The following POU1F1 variants were observed in gnomAD, a reference collection of about 807,000 sequenced individuals.
POU1F1 encodes pituitary-specific positive transcription factor 1.
POU1F1 carries 23 observed loss-of-function variants against 32.3 expected under a neutral mutation model. The ratio of observed to expected loss-of-function variants is 0.71; its 90% confidence interval spans 0.51 to 1.01. The LOEUF is 1.01. Ranked by LOEUF, POU1F1 falls within the 50% of genes least tolerant of loss-of-function variation. The probability of loss-of-function intolerance (pLI) is 0.00; values close to 1 mark genes in which losing one functional copy is unlikely to be tolerated. For missense variants in POU1F1, 323 were observed against 341.6 expected (o/e 0.95, Z 0.43); for synonymous variants, 120 against 115.6 (o/e 1.04, Z -0.25).
At position 87,260,120 on chromosome 3, in the gene POU1F1, C is replaced by T. The variant is rs750994575; in HGVS notation, c.666-16G>A. On this transcript the variant is annotated splice_polypyrimidine_tract_variant and intron_variant, in intron 5 of 5. Transcript: ENST00000350375. The stretch of plus-strand genomic sequence containing the variant: ...AGCAGCAATGCTGGCGGGGGGTGGA[C>T]ATAGGGGGTGAAATTTTGTTGTTTT... 1.2e-6 allele frequency: 2 copies of T among 1,605,726 alleles called. No individual in the cohort carries two copies. The highest frequency in any genetic ancestry group is 1.7e-6 in the Non-Finnish European group (2 of 1,174,782).
chr3:87,276,408 C>T lies in POU1F1; in HGVS notation c.55G>A (p.Ala19Thr). The T allele has an allele frequency of 1.2e-6, 2 of 1,613,838 alleles. No individual in the cohort carries two copies. The highest frequency in any genetic ancestry group is 1.1e-5 in the South Asian group (1 of 91,078). Residue 19 changes from alanine (A) to threonine (T), a missense_variant, in exon 1 of 6, where the codon GCC becomes ACC. Transcript: ENST00000350375. ...ATTATCAGAGGCAGAGTTGCAGAGG[C>T]GTCAGAATTCAGAGGTATAAAGGTA... ...ADTFIPLNSDASATLPLIMHH... is the reference protein window; with the variant it reads ...ADTFIPLNSDTSATLPLIMHH...
At chr3:87,264,555 A>T in intron 2 of POU1F1, 43 bp from the exon 3 acceptor site, 3 of 1,442,088 alleles carry the variant, frequency 2.1e-6, no homozygotes, top group Non-Finnish European at 2.0e-6. Context: ...ACCATTTGTC[A>T]TTCTCCTTAT....
chr3:87,260,042 T>C lies in POU1F1; in HGVS notation c.728A>G (p.Glu243Gly). The change falls in exon 6 of 6, where the codon GAG (glutamate) becomes GGG (glycine). Residue 243 changes from glutamate (E) to glycine (G), a missense_variant. By Grantham distance (98) the Glu-to-Gly change is moderately conservative. Coordinates refer to ENST00000350375, the MANE Select transcript of POU1F1 (RefSeq NM_000306.4). Reference protein sequence around the residue: ...FGEQNKPSSQEIMRMAEELNL... With the variant: ...FGEQNKPSSQGIMRMAEELNL... The stretch of plus-strand genomic sequence containing the variant: ...CAGTTCTTCAGCCATCCTCATGATC[T>C]CTTGAGAAGAAGGTTTATTCTGTTC... 1 of 1,614,090 alleles carries C rather than the reference T, an allele frequency of 6.2e-7. No individual in the cohort carries two copies. Among genetic ancestry groups the C allele is most frequent in the Non-Finnish European group, 8.5e-7 (1 of 1,180,008 alleles).
chr3:87,261,280 T>A lies in POU1F1; in HGVS notation c.658A>T (p.Thr220Ser), dbSNP rs1398669915. ...TTTTAATATAAAGAATACCTTATAG[T>A]TGTTCTTCGTTTTCTTTTCCTTTCA... ...ANERKRKRRT[T>S]ISIAAKDALE... is the part of the protein sequence containing the mutation. The change falls in exon 5 of 6, where the codon ACT becomes TCT. Residue 220 changes from threonine to serine, a missense_variant. Transcript: ENST00000350375. 6.3e-7 allele frequency: 1 copy of A among 1,577,870 alleles called. No homozygotes were observed. Among genetic ancestry groups the A allele is most frequent in the South Asian group, 1.1e-5 (1 of 88,440 alleles).
intron 2 of POU1F1, among the ~76,000 whole-genome samples, chr3:87,265,665 A>T (rs1706606177): frequency 6.6e-6 from 1 of 152,088 alleles, no homozygotes; most frequent in African/African-American, 2.4e-5. Context: ...AAATAACAAC[A>T]CAAGAATAAA....
rs201406891 is a variant in POU1F1 at position 87,261,338 on chromosome 3, A to C, written c.605-5T>G. On this transcript the variant is annotated splice_region_variant and splice_polypyrimidine_tract_variant and intron_variant, in intron 4 of 5. Transcript: ENST00000350375. ...CCACTTTTTCATTGTACAAAGCTAT[A>C]ATGTGGAAAAGAGAGATAATTACAA... 6.1e-4 allele frequency: 962 copies of C among 1,585,400 alleles called. 5 individuals carry two copies. The highest frequency in any genetic ancestry group is 1.5e-3 in the Admixed American group (88 of 59,010).
At chr3:87,273,312 A>T (rs1706760777) in intron 2 of POU1F1, 35 bp downstream of exon 2, 1 of 1,588,986 alleles carries the variant, frequency 6.3e-7, no homozygotes, top group African/African-American at 1.3e-5. Context: ...AAGTGTCCCC[A>T]AATTCAATAA....
chr3:87,260,868 TTTTTTTTATTTATTTATTTA>T (rs1182749623), intron 5 of POU1F1, among the ~76,000 whole-genome samples: 5,664 of 140,102 alleles, frequency 0.04, 215 homozygotes, highest in Non-Finnish European at 0.047. Context: ...TATTATTATT[TTTTTTTTATTTATTTATTTA>T]TTTATTTATT....
In POU1F1 at chr3:87,264,270, C is replaced by T. The variant is rs1002673353; in HGVS notation, c.439+18G>A. ...GCAAACCAAGTTCTTTTTCCTGTTG[C>T]CTTTAACAAGCACATACCTAATTTA... On this transcript the variant is annotated intron_variant, in intron 3 of 5. Transcript: ENST00000350375. 6.3e-7 allele frequency: 1 copy of T among 1,583,698 alleles called. No individual in the cohort carries two copies. The highest frequency in any genetic ancestry group is 1.3e-5 in the African/African-American group (1 of 74,262).
intron 2 of POU1F1, among the ~76,000 whole-genome samples, chr3:87,272,385 T>A (rs1706744441): frequency 6.6e-6 from 1 of 152,244 alleles, no homozygotes; most frequent in African/African-American, 2.4e-5. Context: ...ACATGCGCCA[T>A]GCTGGTGCGC....
intron 1 of POU1F1, among the ~76,000 whole-genome samples, chr3:87,273,962 A>G (rs1391186447): frequency 6.6e-6 from 1 of 152,218 alleles, no homozygotes; most frequent in Non-Finnish European, 1.5e-5. Flanking sequence ...TGGAAATGGC[A>G]GAGCAAGTAG....
intron 2 of POU1F1, among the ~76,000 whole-genome samples, chr3:87,268,864 G>C (rs990420968): frequency 2.6e-5 from 4 of 152,154 alleles, no homozygotes; most frequent in African/African-American, 9.7e-5. Context: ...GGAGAGAGAA[G>C]AACAGAGGTA....
At chr3:87,263,676 G>A (rs965389133) in intron 3 of POU1F1, among the ~76,000 whole-genome samples, 6 of 152,004 alleles carry the variant, frequency 3.9e-5, no homozygotes, top group East Asian at 1.9e-4. Flanking sequence ...GTTAATCATC[G>A]TGGTATCGTT....
intron 1 of POU1F1, 80 bp from the exon 2 acceptor site, chr3:87,273,498 TGG>T (rs1706765654): frequency 6.3e-7 from 1 of 1,593,654 alleles, no homozygotes; most frequent in Non-Finnish European, 8.6e-7. Context: ...TAGATGGGAC[TGG>T]TAAGAAAATG....
At chr3:87,272,851 TGA>T (rs1491055900) in intron 2 of POU1F1, among the ~76,000 whole-genome samples, 2 of 150,072 alleles carry the variant, frequency 1.3e-5, no homozygotes, top group East Asian at 4.0e-4. Flanking sequence ...AATATAATGA[TGA>T]GGGGGGGTGT....
At chr3:87,272,508 A>G (rs573033241) in intron 2 of POU1F1, among the ~76,000 whole-genome samples, 47 of 152,300 alleles carry the variant, frequency 3.1e-4, no homozygotes, top group African/African-American at 1.1e-3. Flanking sequence ...TTTAAAAACA[A>G]TTAAAATCTT....
intron 1 of POU1F1, among the ~76,000 whole-genome samples, chr3:87,274,751 A>T (rs527272009): frequency 6.6e-6 from 1 of 151,756 alleles, no homozygotes; most frequent in African/African-American, 2.4e-5. Context: ...ATATGATTCA[A>T]ATTTCATTAA....
At chr3:87,270,969 G>T (rs1441523382) in intron 2 of POU1F1, among the ~76,000 whole-genome samples, 1 of 151,690 alleles carries the variant, frequency 6.6e-6, no homozygotes, top group East Asian at 1.9e-4. Flanking sequence ...TTTTGAGAGG[G>T]ATTTAACAAT....
At chr3:87,262,897 A>G (rs1252132091) in intron 3 of POU1F1, among the ~76,000 whole-genome samples, 1 of 152,164 alleles carries the variant, frequency 6.6e-6, no homozygotes, top group Admixed American at 6.5e-5. Flanking sequence ...AAACATTCAC[A>G]GTAATATAGA....
Sources: gnomAD v4.1 joint callset for allele counts (sites outside exome capture counted in the v4.1 genomes callset) on GRCh38, gnomAD v4.1.1 for gene constraint, MANE v1.5 for transcripts, NCBI Gene and HGNC (gene_info 2026-07-23, HGNC 2026-07-21) for gene names.